AKAP13: variants seen among roughly 807,000 people sequenced by gnomAD.
The protein encoded by AKAP13 is A-kinase anchor protein 13.
AKAP13 carries 80 observed loss-of-function variants against 264.5 expected under a neutral mutation model. That is an observed-to-expected ratio of 0.30 (90% CI 0.25 to 0.36). AKAP13 has a LOEUF of 0.36. AKAP13 is among the 10% of genes least tolerant of loss of function. The pLI, the probability that AKAP13 is intolerant of heterozygous loss-of-function variation, is 1.00. For synonymous variants in AKAP13, 1,380 were observed against 1,250.2 expected (o/e 1.10, Z -2.19); for missense variants, 3,712 against 3,435.2 (o/e 1.08, Z -2.01).
At chr15:85,383,792 A>G (rs181417157) in intron 1 of AKAP13, among the ~76,000 whole-genome samples, 108 of 152,342 alleles carry the variant, frequency 7.1e-4, no homozygotes, top group Non-Finnish European at 1.2e-3. Context: ...ATAAGAGGAT[A>G]TGAGTTCCAA....
intron 17 of AKAP13, among the ~76,000 whole-genome samples, chr15:85,697,950 G>GAT (rs2085660404): frequency 6.6e-6 from 1 of 152,208 alleles, no homozygotes; most frequent in East Asian, 1.9e-4. Context: ...TACTGTGTTT[G>GAT]ATATGTGATT....
rs114785802 is a variant in AKAP13, at chr15:85,579,876, C to G, written c.1808C>G (p.Pro603Arg). Reference sequence around the variant, plus strand: ...GACAAGATTTCAGATGGATTAGAACCTTATACTCTCTTAGCAGCAGGCATA... The same window carrying G: ...GACAAGATTTCAGATGGATTAGAACGTTATACTCTCTTAGCAGCAGGCATA... ...AKDKISDGLE[P>R]YTLLAAGIGE... Residue 603 changes from proline to arginine, a missense_variant, in exon 7 of 37, where the codon CCT becomes CGT. By Grantham distance (103) the Pro-to-Arg change is moderately radical. Coordinates refer to ENST00000394518, the MANE Select transcript of AKAP13 (RefSeq NM_007200.5). 68 of 1,614,152 alleles carry G rather than the reference C, an allele frequency of 4.2e-5. No individual in the cohort carries two copies. In the East Asian group the frequency reaches 1.4e-3, roughly 34 times the overall value.
intron 8 of AKAP13, among the ~76,000 whole-genome samples, chr15:85,586,652 G>A (rs1430991324): frequency 2.6e-5 from 4 of 152,072 alleles, no homozygotes; most frequent in South Asian, 4.1e-4. Context: ...TAGGCCAGAC[G>A]CGGTGGCTCA....
chr15:85,725,112 CA>C, intron 26 of AKAP13, among the ~76,000 whole-genome samples: 1 of 152,078 alleles, frequency 6.6e-6, no homozygotes, highest in Non-Finnish European at 1.5e-5. Flanking sequence ...TATTTATTCC[CA>C]AAATAAAAAC....
At position 85,417,668 on chromosome 15, in the gene AKAP13, T is replaced by G. The variant is rs532461627; in HGVS notation, c.-12+36870T>G. On this transcript the variant is annotated intron_variant, in intron 1 of 36. Coordinates refer to ENST00000394518, the MANE Select transcript of AKAP13 (RefSeq NM_007200.5). ...TTTTGCCGATTAAACATGACTGTCA[T>G]TTTGCCATTTTCTGCTGTATTCCAA... Among the ~76,000 whole-genome samples, 18 of 152,328 alleles carry G rather than the reference T, an allele frequency of 1.2e-4. No individual in the cohort carries two copies. The South Asian group carries it at 3.7e-3, about 32-fold the overall frequency.
rs113305234 is a variant in AKAP13 at position 85,429,305 on chromosome 15, C to G, written c.-12+48507C>G. ...GCAGTTTTCTCAGATAATCTCCTTT[C>G]ATTTCTCTCGTGCAAGACTAATGGT... On this transcript the variant is annotated intron_variant, in intron 1 of 36. Transcript: ENST00000394518. Among the ~76,000 whole-genome samples, 1,329 of 152,272 alleles carry G rather than the reference C, an allele frequency of 8.7e-3. 12 individuals are homozygous for G. Among genetic ancestry groups the G allele is most frequent in the African/African-American group, 0.031 (1,286 of 41,544 alleles).
intron 9 of AKAP13, among the ~76,000 whole-genome samples, chr15:85,640,904 A>G (rs2082278487): frequency 1.3e-5 from 2 of 152,264 alleles, no homozygotes; most frequent in South Asian, 2.1e-4. Flanking sequence ...CCAGGACACA[A>G]TTTTGAATTC....
At chr15:85,634,840 C>CTT (rs34893286) in intron 8 of AKAP13, among the ~76,000 whole-genome samples, 109 of 142,886 alleles carry the variant, frequency 7.6e-4, no homozygotes, top group Non-Finnish European at 1.5e-3. Flanking sequence ...TTGAGTCTGG[C>CTT]TTTTTTTTTT....
chr15:85,643,457 A>T (rs2082404878), intron 9 of AKAP13, among the ~76,000 whole-genome samples: 1 of 152,244 alleles, frequency 6.6e-6, no homozygotes, highest in Admixed American at 6.5e-5. Flanking sequence ...ATCACTAATT[A>T]CTTAACTGTT....
rs1173616750 is a variant in AKAP13, at chr15:85,400,856, ATG to A, written c.-12+20060_-12+20061del. Among the ~76,000 whole-genome samples, 595 of 111,872 alleles carry A rather than the reference ATG, an allele frequency of 5.3e-3. 3 individuals carry two copies. The highest frequency in any genetic ancestry group is 0.012 in the Admixed American group (120 of 10,252). The allele number at this position is 111,872 out of a possible 152,430, so 73.4% of individuals were successfully genotyped here. A position where few individuals can be genotyped will look rare whatever the true frequency, so the allele number is the denominator to read the frequency against. ...TAATTTAGTAGCCATATATATATAT[ATG>A]TATATATATATATATATTTTTTTTT... On this transcript the variant is annotated intron_variant, in intron 1 of 36. Coordinates refer to ENST00000394518, the MANE Select transcript of AKAP13 (RefSeq NM_007200.5).
intron 2 of AKAP13, among the ~76,000 whole-genome samples, chr15:85,501,802 T>C (rs753687154): frequency 1.1e-4 from 17 of 152,222 alleles, no homozygotes; most frequent in African/African-American, 1.9e-4. Context: ...AGTATATTGC[T>C]CCTCTGTGTC....
intron 1 of AKAP13, among the ~76,000 whole-genome samples, chr15:85,423,973 C>T (rs1343706140): frequency 2.0e-5 from 3 of 152,154 alleles, no homozygotes; most frequent in Admixed American, 6.5e-5. Flanking sequence ...GGCAGTAGGT[C>T]ACAACAGTGA....
At chr15:85,588,362 G>A (rs1385259829) in intron 8 of AKAP13, among the ~76,000 whole-genome samples, 1 of 152,166 alleles carries the variant, frequency 6.6e-6, no homozygotes, top group Non-Finnish European at 1.5e-5. Context: ...TTTTACCCCT[G>A]TGAGAAGAAA....
chr15:85,388,570 G>C (rs896183210), intron 1 of AKAP13, among the ~76,000 whole-genome samples: 3 of 152,104 alleles, frequency 2.0e-5, no homozygotes, highest in African/African-American at 7.2e-5. Flanking sequence ...TTTTTATCAT[G>C]AATAGATATT....
chr15:85,490,744 T>C (rs2075698327), intron 2 of AKAP13, among the ~76,000 whole-genome samples: 2 of 152,220 alleles, frequency 1.3e-5, no homozygotes, highest in South Asian at 4.1e-4. Context: ...AGACCTGTTC[T>C]GGATGCTGGA....
intron 8 of AKAP13, among the ~76,000 whole-genome samples, chr15:85,607,870 C>T (rs991142516): frequency 6.6e-6 from 1 of 152,196 alleles, no homozygotes. Context: ...TGAACAGAAG[C>T]AAGTTTATTG....
In AKAP13 at chr15:85,580,659, G is replaced by A. The variant is rs758805052; in HGVS notation, c.2591G>A (p.Ser864Asn). 8.1e-5 allele frequency: 130 copies of A among 1,614,094 alleles called. No homozygotes were observed. The highest frequency in any genetic ancestry group is 1.1e-4 in the Non-Finnish European group (127 of 1,180,042). The change falls in exon 7 of 37, where the codon AGT becomes AAT. Residue 864 changes from serine to asparagine, a missense_variant. Ser to Asn is a conservative substitution (Grantham distance 46). This residue lies in a region of AKAP13 where 2,759 missense variants were observed against 2,411.7 expected (regional missense o/e 1.14). Transcript: ENST00000394518. ...AELQHGMGNT[S>N]LTGLGGEHEG... is the part of the protein sequence containing the mutation. Reference sequence around the variant, plus strand: ...CTTCAGCACGGGATGGGGAATACCAGTCTCACAGGACTTGGTGGAGAGCAT... The same window carrying A: ...CTTCAGCACGGGATGGGGAATACCAATCTCACAGGACTTGGTGGAGAGCAT...
intron 21 of AKAP13, 100 bp downstream of exon 21, chr15:85,717,502 T>C: frequency 6.2e-6 from 5 of 804,244 alleles, no homozygotes; most frequent in Non-Finnish European, 1.0e-5. Context: ...TACCTGCCTC[T>C]TCTGTATCCC....
rs373383396 is a variant in AKAP13, at chr15:85,638,013, C to T, written c.4162-1361C>T. On this transcript the variant is annotated intron_variant, in intron 8 of 36. Coordinates refer to ENST00000394518, the MANE Select transcript of AKAP13 (RefSeq NM_007200.5). ...TCAGCCTCCTGACCCTGAGTAGCTG[C>T]GACTGCAGGCGCCTGCCACCATGCC... is the stretch of plus-strand genomic sequence containing the variant. Among the ~76,000 whole-genome samples the T allele has an allele frequency of 3.2e-4, 49 of 150,918 alleles. 1 individual carries two copies. The East Asian group carries it at 9.0e-3, about 28-fold the overall frequency.
Sources: gnomAD v4.1 joint callset for allele counts (sites outside exome capture counted in the v4.1 genomes callset) on GRCh38, gnomAD v4.1.1 for gene constraint, gnomAD v4.1.1 regional missense constraint, MANE v1.5 for transcripts, NCBI Gene and HGNC (gene_info 2026-07-23, HGNC 2026-07-21) for gene names.